SPOCK3: variants seen among roughly 807,000 people sequenced by gnomAD.
SPOCK3 encodes the protein testican-3.
Under a neutral mutation model 56.6 loss-of-function variants are expected in SPOCK3, and 30 were observed. The ratio of observed to expected loss-of-function variants is 0.53; its 90% confidence interval spans 0.40 to 0.72. The LOEUF is 0.72. Among genes scored for constraint, SPOCK3 ranks in the 30% least tolerant of loss-of-function variants. SPOCK3 has a pLI of 0.00. For synonymous variants in SPOCK3, 196 were observed against 183.3 expected (o/e 1.07, Z -0.56); for missense variants, 527 against 530.0 (o/e 0.99, Z 0.06).
At chr4:166,798,391 C>T (rs1156294791) in intron 6 of SPOCK3, among the ~76,000 whole-genome samples, 2 of 152,064 alleles carry the variant, frequency 1.3e-5, no homozygotes, top group Non-Finnish European at 2.9e-5. Flanking sequence ...CAGTAAGAGG[C>T]CCGTTAGAGT....
intron 2 of SPOCK3, among the ~76,000 whole-genome samples, chr4:167,175,713 C>T (rs138156039): frequency 5.2e-4 from 79 of 152,202 alleles, no homozygotes; most frequent in Non-Finnish European, 7.6e-4. Flanking sequence ...ACAGATCCTT[C>T]CCTCAGAGTC....
intron 3 of SPOCK3, among the ~76,000 whole-genome samples, chr4:167,053,074 T>A (rs1276835955): frequency 6.6e-6 from 1 of 152,150 alleles, no homozygotes; most frequent in East Asian, 1.9e-4. Context: ...AGGCTGTGAA[T>A]GTTATTATAT....
At chr4:167,096,274 T>C (rs1433793026) in intron 2 of SPOCK3, among the ~76,000 whole-genome samples, 2 of 151,968 alleles carry the variant, frequency 1.3e-5, no homozygotes, top group African/African-American at 2.4e-5. Context: ...GTTATTTTTT[T>C]CTACTGCTTA....
At chr4:167,071,229 AAATT>A (rs1350674541) in intron 2 of SPOCK3, among the ~76,000 whole-genome samples, 2 of 151,812 alleles carry the variant, frequency 1.3e-5, no homozygotes, top group African/African-American at 4.8e-5. Flanking sequence ...CTCAATAAAT[AAATT>A]AAGAATCTTT....
chr4:166,843,114 G>A (rs74287163), intron 6 of SPOCK3, among the ~76,000 whole-genome samples: 1,668 of 152,290 alleles, frequency 0.011, 19 homozygotes, highest in East Asian at 0.062. Flanking sequence ...CTCTGAGTGC[G>A]GGGCCCGCCA....
At chr4:166,868,557 A>T (rs1420520703) in intron 6 of SPOCK3, among the ~76,000 whole-genome samples, 1 of 152,144 alleles carries the variant, frequency 6.6e-6, no homozygotes, top group East Asian at 1.9e-4. Flanking sequence ...CTTAAAACCT[A>T]TGTCCAGGTA....
intron 8 of SPOCK3, among the ~76,000 whole-genome samples, chr4:166,749,780 CTT>C (rs1736138036): frequency 6.6e-6 from 1 of 151,964 alleles, no homozygotes; most frequent in Admixed American, 6.6e-5. Context: ...TTCTGAGTCT[CTT>C]ATATTAAAGA....
chr4:166,968,667 G>A (rs1473232913), intron 4 of SPOCK3, among the ~76,000 whole-genome samples: 1 of 138,226 alleles, frequency 7.2e-6, no homozygotes, highest in African/African-American at 3.5e-5. Flanking sequence ...AGGCTTGGAT[G>A]TCAAGGCAGA....
At chr4:166,827,802 G>A (rs1227223077) in intron 6 of SPOCK3, among the ~76,000 whole-genome samples, 1 of 145,008 alleles carries the variant, frequency 6.9e-6, no homozygotes, top group Non-Finnish European at 1.5e-5. Flanking sequence ...CTGGGAGTGA[G>A]AATAATGGTC....
At chr4:166,873,875 T>C (rs1286868029) in intron 6 of SPOCK3, among the ~76,000 whole-genome samples, 1 of 152,044 alleles carries the variant, frequency 6.6e-6, no homozygotes, top group Non-Finnish European at 1.5e-5. Flanking sequence ...GGAAGGCAAA[T>C]TGGCATCAAA....
At chr4:167,097,842 C>T (rs1479598185) in intron 2 of SPOCK3, among the ~76,000 whole-genome samples, 3 of 151,976 alleles carry the variant, frequency 2.0e-5, no homozygotes, top group Admixed American at 2.0e-4. Context: ...GATACATATA[C>T]ACTATGGAAT....
intron 6 of SPOCK3, among the ~76,000 whole-genome samples, chr4:166,851,166 C>A (rs1579422229): frequency 6.6e-6 from 1 of 152,148 alleles, no homozygotes; most frequent in East Asian, 1.9e-4. Context: ...AACCCCTGAC[C>A]CCCGAGCAGC....
At chr4:166,765,851 CTT>C (rs774215648) in intron 7 of SPOCK3, among the ~76,000 whole-genome samples, 1 of 152,142 alleles carries the variant, frequency 6.6e-6, no homozygotes, top group Non-Finnish European at 1.5e-5. Context: ...TTTGTATCCT[CTT>C]TTATTTTGTT....
chr4:166,870,652 CT>C (rs1207243540), intron 6 of SPOCK3, among the ~76,000 whole-genome samples: 1 of 151,958 alleles, frequency 6.6e-6, no homozygotes, highest in Non-Finnish European at 1.5e-5. Context: ...TTACTTAGAG[CT>C]AAATGAAAAT....
intron 4 of SPOCK3, among the ~76,000 whole-genome samples, chr4:166,959,518 C>T (rs1449794228): frequency 6.6e-6 from 1 of 151,654 alleles, no homozygotes; most frequent in African/African-American, 2.4e-5. Context: ...GAGGCTGAGG[C>T]AGGAGAATTG....
At chr4:167,075,162 C>T (rs945871310) in intron 2 of SPOCK3, among the ~76,000 whole-genome samples, 1 of 151,660 alleles carries the variant, frequency 6.6e-6, no homozygotes, top group Non-Finnish European at 1.5e-5. Context: ...TCAGGAGGAA[C>T]CAGTTTTATT....
chr4:167,042,175 C>A (rs1227531524), intron 3 of SPOCK3, among the ~76,000 whole-genome samples: 1 of 152,078 alleles, frequency 6.6e-6, no homozygotes, highest in African/African-American at 2.4e-5. Flanking sequence ...CCAGAAGACA[C>A]AAAAATTTGC....
In SPOCK3 at chr4:166,897,440, TG is replaced by T. The variant is rs200598256; in HGVS notation, c.475-8197del. On this transcript the variant is annotated intron_variant, in intron 5 of 10. Coordinates refer to ENST00000357545, the MANE Select transcript of SPOCK3 (RefSeq NM_001040159.2). ...GTCCAGTAAAAAAAGATAATATCTC[TG>T]CATGAGCAAAGGTTGGGTGGGATTG... Among the ~76,000 whole-genome samples the T allele has an allele frequency of 2.6e-3, 402 of 152,264 alleles. 9 individuals are homozygous for T. In the East Asian group the frequency reaches 0.06, roughly 23 times the overall value.
chr4:166,795,979 C>T (rs936204599), intron 6 of SPOCK3, among the ~76,000 whole-genome samples: 6 of 152,114 alleles, frequency 3.9e-5, no homozygotes, highest in Admixed American at 6.5e-5. Flanking sequence ...AAAGGCTTCA[C>T]GATTGGCATT....
Sources: gnomAD v4.1 joint callset for allele counts (sites outside exome capture counted in the v4.1 genomes callset) on GRCh38, gnomAD v4.1.1 for gene constraint, MANE v1.5 for transcripts, NCBI Gene and HGNC (gene_info 2026-07-23, HGNC 2026-07-21) for gene names.